UBE2R2: variants seen among roughly 807,000 people sequenced by gnomAD.
UBE2R2 encodes ubiquitin-conjugating enzyme E2 R2.
Under a neutral mutation model 27.8 loss-of-function variants are expected in UBE2R2, and 1 was observed. That is an observed-to-expected ratio of 0.04 (90% CI 0.01 to 0.17). UBE2R2 has a LOEUF of 0.17. UBE2R2 is among the 10% of genes least tolerant of loss of function. The probability of loss-of-function intolerance (pLI) is 1.00; values close to 1 mark genes in which losing one functional copy is unlikely to be tolerated. For missense variants in UBE2R2, 100 were observed against 291.0 expected (o/e 0.34, Z 4.78); for synonymous variants, 106 against 113.3 (o/e 0.94, Z 0.41).
At chr9:33,877,852 A>G (rs2486677) in intron 1 of UBE2R2, among the ~76,000 whole-genome samples, 85,938 of 142,488 alleles carry the variant, frequency 0.6, 25,919 homozygotes, top group East Asian at 0.77. Flanking sequence ...TCTCTCTCCC[A>G]CTCTCCCTCC....
intron 1 of UBE2R2, among the ~76,000 whole-genome samples, chr9:33,868,168 G>A (rs903347524): frequency 2.0e-5 from 3 of 152,152 alleles, no homozygotes; most frequent in African/African-American, 7.2e-5. Context: ...CGCACTGTCT[G>A]AAGATAGCCG....
chr9:33,895,073 C>T (rs1302137885), intron 2 of UBE2R2, among the ~76,000 whole-genome samples: 1 of 152,140 alleles, frequency 6.6e-6, no homozygotes, highest in Non-Finnish European at 1.5e-5. Flanking sequence ...CATATTAAAC[C>T]TTTATCAGAT....
At chr9:33,847,120 C>G (rs1164694681) in intron 1 of UBE2R2, among the ~76,000 whole-genome samples, 3 of 149,946 alleles carry the variant, frequency 2.0e-5, no homozygotes, top group Non-Finnish European at 4.4e-5. Flanking sequence ...TTATTTGAGA[C>G]AGAGTATCAC....
chr9:33,822,518 T>C (rs554752407), intron 1 of UBE2R2, among the ~76,000 whole-genome samples: 17 of 151,346 alleles, frequency 1.1e-4, no homozygotes, highest in Middle Eastern at 3.4e-3. Context: ...CCTGAAACAC[T>C]TGGGCTCAAG....
At chr9:33,916,965 C>T in intron 4 of UBE2R2, 53 bp from the exon 5 acceptor site, 2 of 1,596,552 alleles carry the variant, frequency 1.3e-6, no homozygotes, top group Middle Eastern at 1.9e-4. Context: ...AATTATAAAT[C>T]TGTCTTAAAA....
At chr9:33,865,406 C>T (rs866395485) in intron 1 of UBE2R2, among the ~76,000 whole-genome samples, 13 of 151,656 alleles carry the variant, frequency 8.6e-5, no homozygotes, top group African/African-American at 3.2e-4. Flanking sequence ...CCATATTGGC[C>T]AGGCTTGTCT....
intron 1 of UBE2R2, among the ~76,000 whole-genome samples, chr9:33,843,830 TACTTATA>T (rs1820783345): frequency 6.6e-6 from 1 of 152,252 alleles, no homozygotes; most frequent in Non-Finnish European, 1.5e-5. Flanking sequence ...TGTTTGACAT[TACTTATA>T]ATTCAGACAA....
At chr9:33,882,803 C>T (rs1821757759) in intron 1 of UBE2R2, among the ~76,000 whole-genome samples, 1 of 152,232 alleles carries the variant, frequency 6.6e-6, no homozygotes, top group South Asian at 2.1e-4. Context: ...AAAAAGAAAC[C>T]TTGTGCCGAG....
chr9:33,834,925 C>G (rs2994030), intron 1 of UBE2R2, among the ~76,000 whole-genome samples: 39,517 of 92,280 alleles, frequency 0.43, 6,135 homozygotes, highest in East Asian at 0.63. Context: ...AAAAAAAAAA[C>G]AAAAGAAAAG....
At chr9:33,862,907 C>T (rs1420855102) in intron 1 of UBE2R2, among the ~76,000 whole-genome samples, 3 of 151,872 alleles carry the variant, frequency 2.0e-5, no homozygotes, top group Non-Finnish European at 4.4e-5. Flanking sequence ...GGTGTCATGC[C>T]TAAAGAAAGT....
At chr9:33,845,711 A>G (rs1248779775) in intron 1 of UBE2R2, among the ~76,000 whole-genome samples, 1 of 152,150 alleles carries the variant, frequency 6.6e-6, no homozygotes, top group African/African-American at 2.4e-5. Context: ...AAGATACTTC[A>G]TTTAGAATTT....
At chr9:33,895,450 T>G (rs1822079553) in intron 2 of UBE2R2, among the ~76,000 whole-genome samples, 1 of 152,236 alleles carries the variant, frequency 6.6e-6, no homozygotes, top group Admixed American at 6.5e-5. Context: ...ACAACATGGT[T>G]GTCTTTGTAG....
chr9:33,873,456 G>A (rs186375950), intron 1 of UBE2R2, among the ~76,000 whole-genome samples: 2 of 152,212 alleles, frequency 1.3e-5, no homozygotes, highest in East Asian at 3.9e-4. Context: ...TGAATAAAAG[G>A]TTACTGCAGA....
chr9:33,880,371 C>T (rs1004355981), intron 1 of UBE2R2, among the ~76,000 whole-genome samples: 7 of 151,720 alleles, frequency 4.6e-5, no homozygotes, highest in Non-Finnish European at 1.0e-4. Flanking sequence ...TTGTGGCTTC[C>T]TCTTTATACT....
At chr9:33,880,777 C>G (rs1247499586) in intron 1 of UBE2R2, among the ~76,000 whole-genome samples, 2 of 152,166 alleles carry the variant, frequency 1.3e-5, no homozygotes, top group Non-Finnish European at 2.9e-5. Context: ...ATTAGATTCT[C>G]AAGGAGTGCG....
chr9:33,825,244 CTTTTT>C (rs71506138), intron 1 of UBE2R2, among the ~76,000 whole-genome samples: 1 of 119,626 alleles, frequency 8.4e-6, no homozygotes, highest in African/African-American at 3.4e-5. Flanking sequence ...AAAAGCAAAG[CTTTTT>C]TTTTTTTTTT....
At chr9:33,851,095 C>T (rs1304956419) in intron 1 of UBE2R2, among the ~76,000 whole-genome samples, 2 of 152,128 alleles carry the variant, frequency 1.3e-5, no homozygotes, top group Non-Finnish European at 2.9e-5. Context: ...ACTTCTATTC[C>T]CCTCTGAATC....
At chr9:33,862,896 T>C (rs914258257) in intron 1 of UBE2R2, among the ~76,000 whole-genome samples, 1 of 152,192 alleles carries the variant, frequency 6.6e-6, no homozygotes, top group Admixed American at 6.5e-5. Context: ...TTTTAATCTT[T>C]GGTGTCATGC....
Position 33,817,523 on chromosome 9 carries a change from T to C in UBE2R2, c.-235T>C. The C allele has an allele frequency of 4.3e-6, 1 of 234,952 alleles. No individual in the cohort carries two copies. Among genetic ancestry groups the C allele is most frequent in the Non-Finnish European group, 7.3e-6 (1 of 136,324 alleles). The allele number at this position is 234,952 out of a possible 1,614,324, so 14.6% of individuals were successfully genotyped here. ...CTCCTAACTCCCTCGACCTCTCCTC[T>C]CGCCCGGCCCGAGTGTGAGGAGAAG... On this transcript the variant is annotated 5_prime_UTR_variant, in exon 1 of 5. Coordinates refer to ENST00000263228, the MANE Select transcript of UBE2R2 (RefSeq NM_017811.4).
Sources: gnomAD v4.1 joint callset for allele counts (sites outside exome capture counted in the v4.1 genomes callset) on GRCh38, gnomAD v4.1.1 for gene constraint, MANE v1.5 for transcripts, NCBI Gene and HGNC (gene_info 2026-07-23, HGNC 2026-07-21) for gene names.